The following STK39 variants were observed in gnomAD, a reference collection of about 807,000 sequenced individuals.
STK39 encodes STE20/SPS1-related proline-alanine-rich protein kinase.
A neutral mutation model predicts 77.8 loss-of-function variants in STK39; 20 were observed. That is an observed-to-expected ratio of 0.26 (90% CI 0.18 to 0.37). The LOEUF is 0.37. STK39 is among the 10% of genes least tolerant of loss of function. The pLI, the probability that STK39 is intolerant of heterozygous loss-of-function variation, is 1.00. For missense variants in STK39, 479 were observed against 656.5 expected, an observed-to-expected ratio of 0.73 and a Z score of 2.95; for synonymous variants, 246 against 234.1, an observed-to-expected ratio of 1.05 and a Z score of -0.47.
At chr2:168,213,292 T>A (rs1283896974) in intron 1 of STK39, among the ~76,000 whole-genome samples, 1 of 152,194 alleles carries the variant, frequency 6.6e-6, no homozygotes. Context: ...AATAACCACA[T>A]ACCTCAAATG....
intron 16 of STK39, among the ~76,000 whole-genome samples, chr2:167,995,274 T>G (rs1299674169): frequency 6.6e-6 from 1 of 152,030 alleles, no homozygotes; most frequent in South Asian, 2.1e-4. Context: ...CACACCCAGC[T>G]AATTTTTGTA....
At position 168,065,238 on chromosome 2, in the gene STK39, G is replaced by A. The variant is rs1399811033; in HGVS notation, c.1305+81C>T. On this transcript the variant is annotated intron_variant, in intron 13 of 17. Transcript: ENST00000355999. ...GATTTGGAGGCACTACCTTGAAATT[G>A]TCTATCTTTCTAAAATGTTGGTTTT... is the stretch of plus-strand genomic sequence containing the variant. 7.5e-6 allele frequency: 11 copies of A among 1,460,786 alleles called. No individual in the cohort carries two copies. In the East Asian group the frequency reaches 1.1e-4, roughly 15 times the overall value. The allele number at this position is 1,460,786 out of a possible 1,614,324, so 90.5% of individuals were successfully genotyped here.
intron 15 of STK39, among the ~76,000 whole-genome samples, chr2:168,014,012 T>C (rs1175984992): frequency 6.7e-6 from 1 of 149,712 alleles, no homozygotes; most frequent in Non-Finnish European, 1.5e-5. Context: ...CCTTACACTT[T>C]ATACTTCCAG....
At chr2:168,114,577 C>T (rs1278769827) in intron 10 of STK39, among the ~76,000 whole-genome samples, 1 of 152,090 alleles carries the variant, frequency 6.6e-6, no homozygotes, top group Non-Finnish European at 1.5e-5. Flanking sequence ...AGCCCAGGGC[C>T]AGTGAGGCTG....
chr2:167,963,892 A>C (rs1173072909), intron 17 of STK39, among the ~76,000 whole-genome samples: 4 of 152,226 alleles, frequency 2.6e-5, no homozygotes, highest in Non-Finnish European at 5.9e-5. Flanking sequence ...TAGATCTAAA[A>C]TTGCTTCTGG....
chr2:167,998,707 G>A (rs533873801), intron 16 of STK39, among the ~76,000 whole-genome samples: 2 of 152,240 alleles, frequency 1.3e-5, no homozygotes, highest in African/African-American at 4.8e-5. Flanking sequence ...ATTACTGGAA[G>A]GTATCTCTGC....
intron 8 of STK39, 74 bp from the exon 9 acceptor site, chr2:168,129,832 A>C: frequency 6.5e-7 from 1 of 1,535,538 alleles, no homozygotes; most frequent in Non-Finnish European, 9.0e-7. Flanking sequence ...GAAACAACTT[A>C]ACCTTAAGAG....
chr2:168,025,556 C>A (rs933009027), intron 14 of STK39, among the ~76,000 whole-genome samples: 14 of 152,160 alleles, frequency 9.2e-5, no homozygotes, highest in African/African-American at 3.4e-4. Context: ...CTCACATATA[C>A]ACACGTATAC....
At chr2:168,101,229 A>G (rs1686815621) in intron 10 of STK39, among the ~76,000 whole-genome samples, 1 of 152,146 alleles carries the variant, frequency 6.6e-6, no homozygotes, top group Admixed American at 6.5e-5. Flanking sequence ...AAGGGGAGGG[A>G]TAGCATTAGG....
At chr2:168,233,142 G>T (rs1574579133) in intron 1 of STK39, among the ~76,000 whole-genome samples, 1 of 152,056 alleles carries the variant, frequency 6.6e-6, no homozygotes, top group South Asian at 2.1e-4. Context: ...TCATCCTAAT[G>T]ATCACATTTT....
At position 168,247,481 on chromosome 2, in the gene STK39, C is replaced by T; in HGVS notation, c.-46G>A. The T allele has an allele frequency of 7.8e-7, 1 of 1,280,398 alleles. No homozygotes were observed. Among genetic ancestry groups the T allele is most frequent in the Non-Finnish European group, 1.0e-6 (1 of 998,352 alleles). 79.3% of individuals were successfully genotyped at this position (1,280,398 alleles called of 1,614,324 possible). On this transcript the variant is annotated 5_prime_UTR_variant, in exon 1 of 18. Transcript: ENST00000355999. ...GAGGACGCGCCGGCCGACGGACGACCTTCCACTTGAAACTTCCTTTGCCTC... is the reference window on the plus strand; with the variant it reads ...GAGGACGCGCCGGCCGACGGACGACTTTCCACTTGAAACTTCCTTTGCCTC...
At chr2:168,077,978 TG>T (rs1290058526) in intron 10 of STK39, among the ~76,000 whole-genome samples, 1 of 152,168 alleles carries the variant, frequency 6.6e-6, no homozygotes, top group Non-Finnish European at 1.5e-5. Flanking sequence ...TATTTACCCT[TG>T]TAATTCTAAT....
intron 17 of STK39, among the ~76,000 whole-genome samples, chr2:167,963,554 T>A (rs925659147): frequency 2.0e-5 from 3 of 150,114 alleles, no homozygotes; most frequent in African/African-American, 2.4e-5. Flanking sequence ...CATTAAGAGG[T>A]GACAGTGTCA....
chr2:168,242,560 A>AATATATATATATATAT (rs59941306), intron 1 of STK39, among the ~76,000 whole-genome samples: 2 of 44,846 alleles, frequency 4.5e-5, no homozygotes, highest in South Asian at 7.3e-4. Context: ...AAAAAAAAAA[A>AATATATATATATATAT]ATATATATAT....
chr2:168,157,405 T>TCA (rs978454172), intron 5 of STK39, among the ~76,000 whole-genome samples: 3 of 152,202 alleles, frequency 2.0e-5, no homozygotes, highest in African/African-American at 7.2e-5. Flanking sequence ...AAATTCACAT[T>TCA]CACACACATA....
intron 10 of STK39, among the ~76,000 whole-genome samples, chr2:168,095,856 T>G: frequency 6.6e-6 from 1 of 152,152 alleles, no homozygotes; most frequent in African/African-American, 2.4e-5. Flanking sequence ...ATGACGACTA[T>G]GCTTTGCTTT....
rs1173242043 is a variant in STK39, at chr2:168,039,599, CAAAAAAAAAAAAA to C, written c.1377-22517_1377-22505del. Among the ~76,000 whole-genome samples the C allele has an allele frequency of 2.5e-4, 2 of 7,956 alleles. 1 individual carries two copies. Among genetic ancestry groups the C allele is most frequent in the Non-Finnish European group, 6.1e-4 (2 of 3,258 alleles). 5.2% of individuals were successfully genotyped at this position (7,956 alleles called of 152,430 possible). A position where few individuals can be genotyped will look rare whatever the true frequency, so the allele number is the denominator to read the frequency against. On this transcript the variant is annotated intron_variant, in intron 14 of 17. Coordinates refer to ENST00000355999, the MANE Select transcript of STK39 (RefSeq NM_013233.3). ...GGGCGACAGAGCGAGACTCCGTCTC[CAAAAAAAAAAAAA>C]AAAAAAAAAAGCAGATCAGTGACTG...
intron 1 of STK39, among the ~76,000 whole-genome samples, chr2:168,233,208 GA>G (rs1362017317): frequency 1.3e-5 from 2 of 152,136 alleles, no homozygotes; most frequent in Non-Finnish European, 2.9e-5. Context: ...GACTCCTCAG[GA>G]AAGGTGCCAC....
intron 2 of STK39, among the ~76,000 whole-genome samples, chr2:168,170,979 T>G (rs759070866): frequency 6.6e-6 from 1 of 152,146 alleles, no homozygotes; most frequent in Non-Finnish European, 1.5e-5. Flanking sequence ...AACTCTGAAA[T>G]GCAGGCAACA....
Sources: gnomAD v4.1 joint callset for allele counts (sites outside exome capture counted in the v4.1 genomes callset) on GRCh38, gnomAD v4.1.1 for gene constraint, MANE v1.5 for transcripts, NCBI Gene and HGNC (gene_info 2026-07-23, HGNC 2026-07-21) for gene names.